GNAL: variants seen among roughly 807,000 people sequenced by gnomAD.
The protein encoded by GNAL is guanine nucleotide-binding protein G(olf) subunit alpha.
GNAL carries 18 observed loss-of-function variants against 55.1 expected under a neutral mutation model. That is an observed-to-expected ratio of 0.33 (90% CI 0.23 to 0.48). GNAL has a LOEUF of 0.48. Ranked by LOEUF, GNAL falls within the 20% of genes least tolerant of loss-of-function variation. The pLI, the probability that GNAL is intolerant of heterozygous loss-of-function variation, is 0.99. For synonymous variants in GNAL, 253 were observed against 237.0 expected (o/e 1.07, Z -0.62); for missense variants, 412 against 614.1 (o/e 0.67, Z 3.48).
intron 1 of GNAL, among the ~76,000 whole-genome samples, chr18:11,706,928 T>C (rs1158771216): frequency 6.6e-6 from 1 of 152,232 alleles, no homozygotes; most frequent in Non-Finnish European, 1.5e-5. Flanking sequence ...CAAATTCCTG[T>C]TCATGTTGCT....
intron 10 of GNAL, among the ~76,000 whole-genome samples, chr18:11,874,608 A>G (rs551496202): frequency 1.6e-3 from 217 of 138,820 alleles, no homozygotes; most frequent in African/African-American, 6.0e-3. Flanking sequence ...AAAACAAAAA[A>G]AAAGCACTCC....
intron 4 of GNAL, among the ~76,000 whole-genome samples, chr18:11,761,214 GCCAGCATTTATAGGCAGTCCCTTCTGTCC>G (rs951213781): frequency 1.3e-5 from 2 of 152,150 alleles, no homozygotes; most frequent in African/African-American, 4.8e-5. Flanking sequence ...TCCACCTCAA[GCCAGCATTTATAGGCAGTCCCTTCTGTCC>G]CATGCCAAGA....
intron 11 of GNAL, among the ~76,000 whole-genome samples, chr18:11,880,219 T>C (rs1255026798): frequency 6.6e-6 from 1 of 151,048 alleles, no homozygotes; most frequent in Non-Finnish European, 1.5e-5. Flanking sequence ...ATGGCACCAC[T>C]GCACTCCAGC....
chr18:11,825,831 A>G (rs925375164), intron 5 of GNAL, among the ~76,000 whole-genome samples: 1 of 151,332 alleles, frequency 6.6e-6, no homozygotes, highest in Non-Finnish European at 1.5e-5. Flanking sequence ...GCTATGTTAG[A>G]TATATTCTAT....
intron 4 of GNAL, among the ~76,000 whole-genome samples, chr18:11,761,164 G>A (rs550828248): frequency 5.9e-5 from 9 of 152,224 alleles, no homozygotes; most frequent in South Asian, 4.1e-4. Flanking sequence ...CTGGATCCAC[G>A]GGGAGTCAGT....
At chr18:11,837,439 G>T (rs535272512) in intron 5 of GNAL, among the ~76,000 whole-genome samples, 1 of 152,266 alleles carries the variant, frequency 6.6e-6, no homozygotes, top group South Asian at 2.1e-4. Flanking sequence ...TAAGTAAACC[G>T]ATTTTTAAAT....
In GNAL at chr18:11,725,355, G is replaced by A. The variant is rs572353671; in HGVS notation, c.377-27498G>A. 1.6e-4 allele frequency among the ~76,000 whole-genome samples: 24 copies of A among 152,286 alleles called. 1 individual carries two copies. The highest frequency in any genetic ancestry group is 7.7e-4 in the East Asian group (4 of 5,178). The stretch of plus-strand genomic sequence containing the variant: ...AAGACCCAGGGAGAGGACGCCATCC[G>A]CAAGCCAGGGAAAGAGACCTCAGAA... On this transcript the variant is annotated intron_variant, in intron 1 of 11. Coordinates refer to ENST00000334049, the MANE Select transcript of GNAL (RefSeq NM_182978.4).
chr18:11,839,552 C>CAAAAAAG (rs2035568213), intron 5 of GNAL, among the ~76,000 whole-genome samples: 1 of 81,674 alleles, frequency 1.2e-5, no homozygotes, highest in Non-Finnish European at 2.2e-5. Context: ...GACCTTGCCT[C>CAAAAAAG]AAAAAAAAAA....
At chr18:11,773,592 G>A (rs2033696144) in intron 4 of GNAL, among the ~76,000 whole-genome samples, 1 of 152,088 alleles carries the variant, frequency 6.6e-6, no homozygotes, top group Admixed American at 6.6e-5. Flanking sequence ...GCAAAATTAT[G>A]AGACCCCATC....
chr18:11,781,271 C>T (rs1277039435), intron 4 of GNAL, among the ~76,000 whole-genome samples: 1 of 152,184 alleles, frequency 6.6e-6, no homozygotes, highest in African/African-American at 2.4e-5. Context: ...AACACCTAAC[C>T]ATTAAACTAC....
chr18:11,814,253 G>A (rs1415519941), intron 4 of GNAL, among the ~76,000 whole-genome samples: 1 of 152,176 alleles, frequency 6.6e-6, no homozygotes, highest in Non-Finnish European at 1.5e-5. Flanking sequence ...GGCCGGGCAC[G>A]GTGGCTCATG....
intron 4 of GNAL, among the ~76,000 whole-genome samples, chr18:11,766,737 G>A (rs946556728): frequency 3.3e-5 from 5 of 152,166 alleles, no homozygotes; most frequent in African/African-American, 4.8e-5. Flanking sequence ...ACCAAATGCC[G>A]GAGTACTTAA....
intron 4 of GNAL, among the ~76,000 whole-genome samples, chr18:11,800,441 C>CT (rs2034494636): frequency 6.6e-6 from 1 of 152,128 alleles, no homozygotes; most frequent in South Asian, 2.1e-4. Flanking sequence ...ATTCTACAGG[C>CT]ATGAAAGGAT....
chr18:11,742,139 C>T (rs1312173746), intron 1 of GNAL, among the ~76,000 whole-genome samples: 1 of 152,182 alleles, frequency 6.6e-6, no homozygotes, highest in Non-Finnish European at 1.5e-5. Flanking sequence ...TCCTAGTATG[C>T]TTTGTTACCT....
chr18:11,813,143 T>C (rs1482368296), intron 4 of GNAL, among the ~76,000 whole-genome samples: 1 of 150,910 alleles, frequency 6.6e-6, no homozygotes, highest in Non-Finnish European at 1.5e-5. Context: ...TAATCCCAGC[T>C]ACTCAGGAGG....
At position 11,816,375 on chromosome 18, in the gene GNAL, C is replaced by T. The variant is rs1402022906; in HGVS notation, c.625-8543C>T. Among the ~76,000 whole-genome samples, 4 of 152,190 alleles carry T rather than the reference C, an allele frequency of 2.6e-5. No individual in the cohort carries two copies. In the South Asian group the frequency reaches 8.3e-4, roughly 32 times the overall value. On this transcript the variant is annotated intron_variant, in intron 4 of 11. Coordinates refer to ENST00000334049, the MANE Select transcript of GNAL (RefSeq NM_182978.4). ...GCAGTAGCACAATCTCAGCTCACTG[C>T]AGCCTCTGCCTCCCGGGTTCAAGCG...
intron 1 of GNAL, among the ~76,000 whole-genome samples, chr18:11,742,532 C>T (rs750556414): frequency 6.6e-6 from 1 of 152,238 alleles, no homozygotes; most frequent in Non-Finnish European, 1.5e-5. Flanking sequence ...CTGCACCCAG[C>T]GGAGGGGCTG....
rs1232488173 is a variant in GNAL, at chr18:11,790,651, C to CTTTTTTTTTTTTT, written c.625-34258_625-34257insTTTTTTTTTTTTT. On this transcript the variant is annotated intron_variant, in intron 4 of 11. Transcript: ENST00000334049. ...GATGGTTTTTCTTTTCTTTTCTTTT[C>CTTTTTTTTTTTTT]TTTTTTTTTCTTTTTTTTTTTTTTT... Among the ~76,000 whole-genome samples the CTTTTTTTTTTTTT allele has an allele frequency of 3.1e-4, 26 of 83,356 alleles. 2 individuals are homozygous for CTTTTTTTTTTTTT. The highest frequency in any genetic ancestry group is 5.0e-4 in the Admixed American group (3 of 6,024). The allele number at this position is 83,356 out of a possible 152,430, so 54.7% of individuals were successfully genotyped here.
intron 6 of GNAL, 144 bp from the exon 7 acceptor site, chr18:11,864,389 G>A (rs1344961157): frequency 2.4e-5 from 16 of 657,440 alleles, no homozygotes; most frequent in African/African-American, 1.2e-4. Flanking sequence ...CACCATGCTC[G>A]GCCAATGTTG....
Sources: gnomAD v4.1 joint callset for allele counts (sites outside exome capture counted in the v4.1 genomes callset) on GRCh38, gnomAD v4.1.1 for gene constraint, MANE v1.5 for transcripts, NCBI Gene and HGNC (gene_info 2026-07-23, HGNC 2026-07-21) for gene names.